Variants in TERT observed in about 807,000 individuals in gnomAD.
TERT encodes telomerase catalytic subunit.
Under a neutral mutation model 104.0 loss-of-function variants are expected in TERT, and 42 were observed. That is an observed-to-expected ratio of 0.40 (90% CI 0.32 to 0.52). TERT has a LOEUF of 0.52. TERT is among the 20% of genes least tolerant of loss of function. TERT has a pLI of 0.43. For synonymous variants in TERT, 781 were observed against 725.6 expected, an observed-to-expected ratio of 1.08 and a Z score of -1.23; for missense variants, 1,101 against 1,610.3, an observed-to-expected ratio of 0.68 and a Z score of 5.41.
At chr5:1,254,544 C>T (rs750900761) in intron 14 of TERT, 39 bp from the exon 15 acceptor site, 6 of 1,588,820 alleles carry the variant, frequency 3.8e-6, no homozygotes, top group Non-Finnish European at 4.3e-6. Flanking sequence ...CAGGCCCAGC[C>T]CAGCTCCCCT....
In TERT at chr5:1,272,440, C is replaced by A. The variant is rs541614179; in HGVS notation, c.2287-160G>T. Among the ~76,000 whole-genome samples the A allele has an allele frequency of 1.8e-3, 269 of 152,100 alleles. 1 individual carries two copies. The highest frequency in any genetic ancestry group is 2.9e-3 in the Non-Finnish European group (198 of 67,984). The stretch of plus-strand genomic sequence containing the variant: ...GAAGCTTCTGTTTGGGAAACGGGGG[C>A]CGGGGGGCCGAGGACGCAAAGTAGC... On this transcript the variant is annotated intron_variant, in intron 6 of 15. Coordinates refer to ENST00000310581, the MANE Select transcript of TERT (RefSeq NM_198253.3).
chr5:1,273,093 A>AC (rs199591206), intron 6 of TERT, among the ~76,000 whole-genome samples: 1 of 95,866 alleles, frequency 1.0e-5, no homozygotes, highest in Non-Finnish European at 2.1e-5. Context: ...CACACATCAG[A>AC]CCCCACAACC....
Position 1,255,330 on chromosome 5 carries a change from G to A in TERT, c.3114C>T (p.Asp1038=), listed in dbSNP as rs766881195. 3 of 1,614,238 alleles carry A rather than the reference G, an allele frequency of 1.9e-6. No homozygotes were observed. The South Asian group carries it at 3.3e-5, about 18-fold the overall frequency. Residue 1038 remains aspartate (D), a synonymous_variant, in exon 14 of 16, where the codon GAC becomes GAT. Coordinates refer to ENST00000310581, the MANE Select transcript of TERT (RefSeq NM_198253.3). The surrounding 1 kb of genome is among the most constrained non-coding windows in gnomAD (Gnocchi z 6.9). The part of the protein sequence containing the change: ...NPTFFLRVIS[D]TASLCYSILK... ...GGATGGAGTAGCAGAGGGAGGCCGT[G>A]TCAGAGATGACGCGCAGGAAAAATG...
intron 10 of TERT, among the ~76,000 whole-genome samples, chr5:1,264,874 T>A (rs1748482738): frequency 6.6e-6 from 1 of 152,140 alleles, no homozygotes; most frequent in African/African-American, 2.4e-5. Flanking sequence ...GTGGCCTCTG[T>A]GATGGTCCAT....
rs1017124295 is a variant in TERT at position 1,255,959 on chromosome 5, G to A, written c.3033-548C>T. ...ACCGAGACACCGACTTGGCTTCTGT[G>A]TGTAGGTTAAGTTCCTACTAAATGT... On this transcript the variant is annotated intron_variant, in intron 13 of 15. Transcript: ENST00000310581. This position sits in a 1 kb window ranked among gnomAD's most constrained non-coding sequence, Gnocchi z 6.9. Among the ~76,000 whole-genome samples the A allele has an allele frequency of 4.0e-5, 6 of 151,888 alleles. No homozygotes were observed. The highest frequency in any genetic ancestry group is 1.5e-4 in the African/African-American group (6 of 41,330).
intron 6 of TERT, among the ~76,000 whole-genome samples, chr5:1,275,745 C>T (rs193260508): frequency 2.8e-4 from 37 of 131,464 alleles, no homozygotes; most frequent in African/African-American, 7.0e-4. Context: ...CCACCTATCC[C>T]ACACATGAAA....
intron 2 of TERT, among the ~76,000 whole-genome samples, chr5:1,290,384 A>G (rs1215480550): frequency 9.2e-5 from 5 of 54,222 alleles, no homozygotes; most frequent in East Asian, 5.0e-4. Context: ...ACACCCGGGG[A>G]CGGCGCCTCA....
Position 1,253,639 on chromosome 5 carries a change from G to A in TERT, c.*89C>T. 4.3e-6 allele frequency: 5 copies of A among 1,155,926 alleles called. No homozygotes were observed. The highest frequency in any genetic ancestry group is 6.3e-6 in the Non-Finnish European group (5 of 791,224). The allele number at this position is 1,155,926 out of a possible 1,614,324, so 71.6% of individuals were successfully genotyped here. A position where few individuals can be genotyped will look rare whatever the true frequency, so the allele number is the denominator to read the frequency against. ...GACTCCCAGCGGTGCGGGCCTGGGT[G>A]TGGGCCGCCCCTCCCTCCCTGGGAC... On this transcript the variant is annotated 3_prime_UTR_variant, in exon 16 of 16. Coordinates refer to ENST00000310581, the MANE Select transcript of TERT (RefSeq NM_198253.3).
rs1464497059 is a variant in TERT, at chr5:1,269,783, G to A, written c.2469-1150C>T. Among the ~76,000 whole-genome samples the A allele has an allele frequency of 1.3e-5, 2 of 152,136 alleles. No individual in the cohort carries two copies. The highest frequency in any genetic ancestry group is 2.9e-5 in the Non-Finnish European group (2 of 68,026). ...ATACGCCCCTGTGAGCACATGGGAT[G>A]GGAAACTCTCTCTGTTCTTAGTTTT... is the stretch of plus-strand genomic sequence containing the variant. On this transcript the variant is annotated intron_variant, in intron 8 of 15. Transcript: ENST00000310581. This position sits in a 1 kb window ranked among gnomAD's most constrained non-coding sequence, Gnocchi z 9.0.
chr5:1,267,845 G>A (rs555424828), intron 9 of TERT, among the ~76,000 whole-genome samples: 7 of 152,284 alleles, frequency 4.6e-5, no homozygotes, highest in African/African-American at 1.7e-4. Context: ...GGGATGGGGG[G>A]AGTGGGGAGG....
chr5:1,273,536 G>A (rs1239235552), intron 6 of TERT, among the ~76,000 whole-genome samples: 144 of 1,586 alleles, frequency 0.091, 1 homozygote, highest in African/African-American at 0.18. Context: ...CAGACCCCAC[G>A]ACCGCCATCC....
chr5:1,254,594 G>GACCC, intron 14 of TERT, 89 bp from the exon 15 acceptor site: 1 of 1,480,654 alleles, frequency 6.8e-7, no homozygotes, highest in Non-Finnish European at 9.1e-7. Flanking sequence ...CCGACGGTCT[G>GACCC]CGGGGTGGCT....
intron 2 of TERT, among the ~76,000 whole-genome samples, chr5:1,284,763 C>T (rs1198834581): frequency 1.3e-5 from 2 of 148,718 alleles, no homozygotes; most frequent in Admixed American, 6.7e-5. Context: ...CACACCGGAC[C>T]TGCAGCATCC....
rs767819088 is a variant in TERT, at chr5:1,278,727, T to C, written c.2200A>G (p.Lys734Glu). The stretch of plus-strand genomic sequence containing the variant: ...CGCACGCAGTACGTGTTCTGGGGTT[T>C]GATGATGCTGGCGATGACCTCCGTG... The part of the protein sequence containing the change: ...RLTEVIASII[K>E]PQNTYCVRRY... The change falls in exon 6 of 16, where the codon AAA (lysine) becomes GAA (glutamate). Residue 734 changes from lysine to glutamate, a missense_variant. By Grantham distance (56) the Lys-to-Glu change is moderately conservative. This residue lies in a region of TERT where 463 missense variants were observed against 797.5 expected (regional missense o/e 0.58). Transcript: ENST00000310581. 1 of 1,614,180 alleles carries C rather than the reference T, an allele frequency of 6.2e-7. No homozygotes were observed.
chr5:1,260,251 C>T (rs978485617), intron 12 of TERT, among the ~76,000 whole-genome samples: 7 of 152,376 alleles, frequency 4.6e-5, no homozygotes, highest in Non-Finnish European at 7.3e-5. Context: ...TGTGCATTCG[C>T]ATGTGCACAC....
chr5:1,280,349 G>C lies in TERT; in HGVS notation c.1770-11C>G, dbSNP rs747085187. On this transcript the variant is annotated splice_polypyrimidine_tract_variant and intron_variant, in intron 3 of 15. Transcript: ENST00000310581. ...CTCTTCAAGTGCTGTCTGCAATAGA[G>C]AGCCCCTCAGGAGGCTTGCTCAGCC... The C allele has an allele frequency of 8.7e-6, 14 of 1,611,508 alleles. No homozygotes were observed. In the East Asian group the frequency reaches 2.9e-4, roughly 33 times the overall value.
chr5:1,269,195 G>A lies in TERT; in HGVS notation c.2469-562C>T, dbSNP rs545762220. Reference sequence around the variant, plus strand: ...TGCACACAGAAGGCATGGCTGCCACGCGACCCTCAGCCATCCCCAGAGCCC... The same window carrying A: ...TGCACACAGAAGGCATGGCTGCCACACGACCCTCAGCCATCCCCAGAGCCC... On this transcript the variant is annotated intron_variant, in intron 8 of 15. Coordinates refer to ENST00000310581, the MANE Select transcript of TERT (RefSeq NM_198253.3). This position sits in a 1 kb window ranked among gnomAD's most constrained non-coding sequence, Gnocchi z 9.0. 6.6e-5 allele frequency among the ~76,000 whole-genome samples: 10 copies of A among 152,232 alleles called. No homozygotes were observed. Among genetic ancestry groups the A allele is most frequent in the Non-Finnish European group, 1.2e-4 (8 of 68,026 alleles).
At chr5:1,283,098 C>G (rs1359500924) in intron 2 of TERT, 1 of 338,922 alleles carries the variant, frequency 3.0e-6, no homozygotes, top group Non-Finnish European at 5.7e-6. Flanking sequence ...ACCGCAGGGC[C>G]TGGCGACCTC....
rs1469244031 is a variant in TERT at position 1,294,757 on chromosome 5, C to T, written c.219+14G>A. 6.5e-7 allele frequency: 1 copy of T among 1,549,894 alleles called. No homozygotes were observed. On this transcript the variant is annotated intron_variant, in intron 1 of 15. Transcript: ENST00000310581. ...CCTCAACCCCAGCCGGACGCCGACCCCGGGGAGGCCCACCTGGCGGAAGGA... is the reference window on the plus strand; with the variant it reads ...CCTCAACCCCAGCCGGACGCCGACCTCGGGGAGGCCCACCTGGCGGAAGGA...
Sources: allele counts gnomAD v4.1 joint callset (sites outside exome capture counted in the v4.1 genomes callset), GRCh38; gene constraint gnomAD v4.1.1; regional missense constraint gnomAD v4.1.1; non-coding constraint Gnocchi (gnomAD v3.1); transcripts MANE v1.5; gene names NCBI Gene and HGNC (gene_info 2026-07-23, HGNC 2026-07-21).